SGCD: variants seen among roughly 807,000 people sequenced by gnomAD.
SGCD encodes the protein sarcoglycan delta, also known as delta-sarcoglycan.
In SGCD, 18 loss-of-function variants were observed where a neutral mutation model predicts 36.6. The ratio of observed to expected loss-of-function variants is 0.49; its 90% CI spans 0.34 to 0.73. The LOEUF is 0.73. SGCD is among the 30% of genes least tolerant of loss of function. The probability of loss-of-function intolerance (pLI) is 0.01; values close to 1 mark genes in which losing one functional copy is unlikely to be tolerated. For missense variants in SGCD, 387 were observed against 346.7 expected (o/e 1.12, Z -0.92); for synonymous variants, 133 against 130.6 (o/e 1.02, Z -0.12).
chr5:156,072,918 C>T lies in SGCD; in HGVS notation c.-281-44960C>T, dbSNP rs182815234. Among the ~76,000 whole-genome samples, 119 of 152,282 alleles carry T rather than the reference C, an allele frequency of 7.8e-4. 1 individual carries two copies. Among genetic ancestry groups the T allele is most frequent in the African/African-American group, 2.2e-3 (91 of 41,560 alleles). ...ACTGACACCCTTTGTTCCAGTTGAT[C>T]GCATCGGCTCCTGAGGCTTCTGCAT... On this transcript the variant is annotated intron_variant, in intron 1 of 9. Coordinates refer to the SGCD transcript ENST00000517913.
intron 3 of SGCD, among the ~76,000 whole-genome samples, chr5:156,183,348 A>G (rs563653166): frequency 8.5e-5 from 13 of 152,206 alleles, no homozygotes; most frequent in Non-Finnish European, 1.6e-4. Flanking sequence ...ACAGTACCCC[A>G]CTTGGCCTAG....
At position 156,255,878 on chromosome 5, in the gene SGCD, A is replaced by G. The variant is rs1297645709; in HGVS notation, c.-43-73656A>G. On this transcript the variant is annotated intron_variant, in intron 3 of 9. Coordinates refer to the SGCD transcript ENST00000517913. The stretch of plus-strand genomic sequence containing the variant: ...CTATATTATATTTTTACCTCTTTCT[A>G]TTTTCTTTGTTTTACATCTTTTTTC... 5.3e-5 allele frequency among the ~76,000 whole-genome samples: 8 copies of G among 151,292 alleles called. No homozygotes were observed. In the South Asian group the frequency reaches 1.3e-3, roughly 24 times the overall value.
intron 3 of SGCD, among the ~76,000 whole-genome samples, chr5:156,435,914 T>C (rs897749069): frequency 1.3e-5 from 2 of 152,194 alleles, no homozygotes; most frequent in African/African-American, 4.8e-5. Flanking sequence ...AGATGCTGTT[T>C]GCCGTTATCT....
At chr5:156,590,779 C>A (rs1184650485) in intron 5 of SGCD, among the ~76,000 whole-genome samples, 3 of 151,440 alleles carry the variant, frequency 2.0e-5, no homozygotes, top group African/African-American at 4.8e-5. Flanking sequence ...TCTCTCCCTA[C>A]CCTTCTGACA....
chr5:156,730,509 G>C (rs377477593), intron 7 of SGCD, among the ~76,000 whole-genome samples: 3 of 152,040 alleles, frequency 2.0e-5, no homozygotes, highest in African/African-American at 7.2e-5. Flanking sequence ...AGTTTGTTAA[G>C]GATAATGACC....
chr5:156,137,773 G>A (rs1328181034), intron 3 of SGCD, among the ~76,000 whole-genome samples: 3 of 152,090 alleles, frequency 2.0e-5, no homozygotes, highest in African/African-American at 7.2e-5. Context: ...TGGTTCAGTG[G>A]TAGAATTCCT....
At position 156,025,477 on chromosome 5, in the gene SGCD, T is replaced by C. The variant is rs367579354; in HGVS notation, c.-281-92401T>C. 1.4e-4 allele frequency among the ~76,000 whole-genome samples: 21 copies of C among 152,356 alleles called. No individual in the cohort carries two copies. In the South Asian group the frequency reaches 4.3e-3, roughly 32 times the overall value. ...CATGTTTGCCAGACTTTGTTGGAGC[T>C]TTAGACCTGGTAACATACTTTGTCT... is the stretch of plus-strand genomic sequence containing the variant. On this transcript the variant is annotated intron_variant, in intron 1 of 9. Coordinates refer to the SGCD transcript ENST00000517913.
chr5:155,872,351 G>GCACACACACA (rs3085993), intron 1 of SGCD, among the ~76,000 whole-genome samples: 109 of 145,078 alleles, frequency 7.5e-4, no homozygotes, highest in South Asian at 6.4e-3. Flanking sequence ...CTTCTCTTCA[G>GCACACACACA]CACACACACA....
chr5:156,591,039 A>C (rs1760704523), intron 5 of SGCD, among the ~76,000 whole-genome samples: 3 of 142,538 alleles, frequency 2.1e-5, no homozygotes, highest in Admixed American at 7.1e-5. Flanking sequence ...TTAAAACATC[A>C]TTCTAAACAC....
intron 1 of SGCD, among the ~76,000 whole-genome samples, chr5:156,020,786 A>G (rs1369467042): frequency 2.6e-5 from 4 of 151,102 alleles, no homozygotes; most frequent in Non-Finnish European, 5.9e-5. Flanking sequence ...AGTGTTTCTC[A>G]TTTAGTTCTC....
At chr5:156,731,491 G>A (rs779661967) in intron 7 of SGCD, among the ~76,000 whole-genome samples, 1 of 152,138 alleles carries the variant, frequency 6.6e-6, no homozygotes, top group Non-Finnish European at 1.5e-5. Flanking sequence ...TTATTGAATA[G>A]GGAGTCCTTT....
intron 1 of SGCD, among the ~76,000 whole-genome samples, chr5:155,890,314 A>C (rs2113313625): frequency 6.6e-6 from 1 of 152,226 alleles, no homozygotes; most frequent in South Asian, 2.1e-4. Context: ...AAGATATAAA[A>C]CAGTCTGCAA....
chr5:156,099,058 T>C lies in SGCD; in HGVS notation c.-281-18820T>C, dbSNP rs183080231. Among the ~76,000 whole-genome samples the C allele has an allele frequency of 8.5e-4, 130 of 152,292 alleles. 1 individual carries two copies. The East Asian group carries it at 0.02, about 23-fold the overall frequency. ...TGCCTTCCCTCCTCATGCCCCCAAGTTTGGGGTTGTTGGTAAACACCAGAT... is the reference window on the plus strand; with the variant it reads ...TGCCTTCCCTCCTCATGCCCCCAAGCTTGGGGTTGTTGGTAAACACCAGAT... On this transcript the variant is annotated intron_variant, in intron 1 of 9. Coordinates refer to the SGCD transcript ENST00000517913.
At chr5:156,137,114 G>A (rs960379161) in intron 3 of SGCD, among the ~76,000 whole-genome samples, 9 of 152,182 alleles carry the variant, frequency 5.9e-5, no homozygotes, top group African/African-American at 2.2e-4. Context: ...AGGACAAAAC[G>A]AGAGGGTTCT....
At chr5:156,307,146 A>T (rs1767237593) in intron 3 of SGCD, among the ~76,000 whole-genome samples, 1 of 151,648 alleles carries the variant, frequency 6.6e-6, no homozygotes, top group South Asian at 2.1e-4. Context: ...GGCCCAAGCA[A>T]TCCTTCCACC....
At chr5:156,676,904 G>A (rs2113672527) in intron 7 of SGCD, among the ~76,000 whole-genome samples, 1 of 152,308 alleles carries the variant, frequency 6.6e-6, no homozygotes, top group South Asian at 2.1e-4. Flanking sequence ...GACAGATGTG[G>A]TCCCTGCCCT....
intron 4 of SGCD, among the ~76,000 whole-genome samples, chr5:156,555,871 G>T (rs377612219): frequency 1.3e-5 from 2 of 151,700 alleles, no homozygotes; most frequent in East Asian, 1.9e-4. Flanking sequence ...GCAGTGTTTT[G>T]TAGTTTTCAT....
At chr5:156,733,342 T>G (rs1277875650) in intron 7 of SGCD, among the ~76,000 whole-genome samples, 1 of 152,044 alleles carries the variant, frequency 6.6e-6, no homozygotes, top group African/African-American at 2.4e-5. Flanking sequence ...TCAATTTCCA[T>G]GTAGTTGTGT....
At chr5:155,927,278 G>A (rs1300173250) in intron 1 of SGCD, among the ~76,000 whole-genome samples, 1 of 152,176 alleles carries the variant, frequency 6.6e-6, no homozygotes, top group Non-Finnish European at 1.5e-5. Context: ...GCTATTACCT[G>A]TGTTACAGTG....
Sources: allele counts gnomAD v4.1 joint callset (sites outside exome capture counted in the v4.1 genomes callset), GRCh38; gene constraint gnomAD v4.1.1; transcripts MANE v1.5; gene names NCBI Gene and HGNC (gene_info 2026-07-23, HGNC 2026-07-21).